Variants in USP3 observed in about 807,000 individuals in gnomAD.
USP3 encodes the protein ubiquitin carboxyl-terminal hydrolase 3.
In USP3, 20 loss-of-function variants were observed where a neutral mutation model predicts 72.3. The observed-to-expected ratio is 0.28, with a 90% CI of 0.19 to 0.40. The LOEUF (loss-of-function observed/expected upper bound fraction) is 0.40, where lower values mean the gene tolerates loss of function less well. Among genes scored for constraint, USP3 ranks in the 10% least tolerant of loss-of-function variants. USP3 has a pLI of 1.00. For missense variants in USP3, 479 were observed against 633.9 expected (o/e 0.76, Z 2.62); for synonymous variants, 222 against 225.3 (o/e 0.99, Z 0.13).
chr15:63,589,339 T>TA (rs2067139451), intron 14 of USP3, among the ~76,000 whole-genome samples: 1 of 152,228 alleles, frequency 6.6e-6, no homozygotes, highest in African/African-American at 2.4e-5. Flanking sequence ...TGGAATAACT[T>TA]ACTCCATATC....
In USP3 at chr15:63,504,764, A is replaced by C; in HGVS notation, c.25A>C (p.Ser9Arg). The stretch of plus-strand genomic sequence containing the variant: ...CATGGAGTGTCCACACCTGAGCTCC[A>C]GCGTCTGCATTGCTCCGGACTCAGC... Reference protein sequence around the residue: MECPHLSSSVCIAPDSAKF... With the variant: MECPHLSSRVCIAPDSAKF... The change falls in exon 1 of 15, where the codon AGC becomes CGC. Residue 9 changes from serine to arginine, a missense_variant. Physicochemically the swap from Ser to Arg is moderately radical, Grantham distance 110. Coordinates refer to ENST00000380324, the MANE Select transcript of USP3 (RefSeq NM_006537.4). The C allele has an allele frequency of 6.2e-7, 1 of 1,611,566 alleles. No homozygotes were observed. The highest frequency in any genetic ancestry group is 8.5e-7 in the Non-Finnish European group (1 of 1,179,016).
chr15:63,506,254 A>G (rs1364963338), intron 1 of USP3, among the ~76,000 whole-genome samples: 1 of 152,218 alleles, frequency 6.6e-6, no homozygotes, highest in Non-Finnish European at 1.5e-5. Context: ...AGAACAACAA[A>G]TAAGGTGTAT....
In USP3 at chr15:63,537,084, A is replaced by G. The variant is rs1410307361; in HGVS notation, c.212A>G (p.His71Arg). 4.3e-6 allele frequency: 7 copies of G among 1,614,170 alleles called. No homozygotes were observed. Among genetic ancestry groups the G allele is most frequent in the East Asian group, 4.5e-5 (2 of 44,874 alleles). ...GATGCACAAGTACCTTTAACCAACC[A>G]TAAGAAATCAGAAAAGCAAGATAAA... is the stretch of plus-strand genomic sequence containing the variant. ...YEDAQVPLTN[H>R]KKSEKQDKVQ... The change falls in exon 3 of 15, where the codon CAT becomes CGT. Residue 71 changes from histidine (H) to arginine (R), a missense_variant. By Grantham distance (29) the His-to-Arg change is conservative. Transcript: ENST00000380324.
chr15:63,511,706 T>C (rs2065785173), intron 1 of USP3, among the ~76,000 whole-genome samples: 1 of 152,176 alleles, frequency 6.6e-6, no homozygotes, highest in South Asian at 2.1e-4. Flanking sequence ...CCCCCTTATT[T>C]TTTCATTTTG....
chr15:63,507,582 A>C (rs1382220179), intron 1 of USP3, among the ~76,000 whole-genome samples: 1 of 152,208 alleles, frequency 6.6e-6, no homozygotes, highest in Non-Finnish European at 1.5e-5. Flanking sequence ...GGGGACTAGA[A>C]CAGACTGGCT....
At chr15:63,545,970 C>CAAAAAAAAA (rs60122671) in intron 3 of USP3, among the ~76,000 whole-genome samples, 4 of 68,848 alleles carry the variant, frequency 5.8e-5, no homozygotes, top group African/African-American at 1.8e-4. Context: ...GACCTTGTCT[C>CAAAAAAAAA]AAAAAAAAAA....
intron 2 of USP3, 30 bp from the exon 3 acceptor site, chr15:63,536,995 T>A (rs1407162873): frequency 6.3e-7 from 1 of 1,597,614 alleles, no homozygotes; most frequent in Non-Finnish European, 8.5e-7. Flanking sequence ...AAGCAATATT[T>A]AAAGTAAATT....
chr15:63,563,570 C>A (rs1481909770), intron 8 of USP3, among the ~76,000 whole-genome samples: 1 of 152,156 alleles, frequency 6.6e-6, no homozygotes, highest in African/African-American at 2.4e-5. Flanking sequence ...CTCTGCTGTA[C>A]ACCTAGCTGT....
intron 5 of USP3, among the ~76,000 whole-genome samples, chr15:63,557,490 T>G (rs892380469): frequency 2.6e-5 from 4 of 152,164 alleles, no homozygotes; most frequent in Non-Finnish European, 4.4e-5. Context: ...CTCGAACTCC[T>G]GAGCTCAGGC....
chr15:63,562,991 G>A lies in USP3; in HGVS notation c.744G>A (p.Lys248=), dbSNP rs61751106. 23,958 of 1,610,040 alleles carry A rather than the reference G, an allele frequency of 0.015. 216 individuals carry two copies. Among genetic ancestry groups the A allele is most frequent in the Non-Finnish European group, 0.017 (19,900 of 1,178,136 alleles). The change falls in exon 8 of 15, where the codon AAG becomes AAA. Residue 248 remains lysine, a synonymous_variant. Transcript: ENST00000380324. ...SPESLFYVVW[K]IMPNFRGYQQ... is the part of the protein sequence containing the mutation. Reference sequence around the variant, plus strand: ...AGTCCTTATTTTATGTTGTTTGGAAGATTATGCCAAACTTTAGGTAAGTAT... The same window carrying A: ...AGTCCTTATTTTATGTTGTTTGGAAAATTATGCCAAACTTTAGGTAAGTAT...
intron 11 of USP3, among the ~76,000 whole-genome samples, chr15:63,584,549 A>G (rs2067023771): frequency 6.6e-6 from 1 of 152,190 alleles, no homozygotes; most frequent in South Asian, 2.1e-4. Flanking sequence ...GATGTTGAGC[A>G]TCTTTTTATG....
Position 63,551,694 on chromosome 15 carries a change from T to G in USP3, c.285-2021T>G, listed in dbSNP as rs972634280. 3 of 152,326 alleles carry G rather than the reference T, an allele frequency of 2.0e-5. No individual in the cohort carries two copies. The East Asian group carries it at 5.8e-4, about 29-fold the overall frequency. The allele number at this position is 152,326 out of a possible 1,614,324, so 9.4% of individuals were successfully genotyped here. ...AGACAATCCTACCAAACTATAACAT[T>G]GTGCTTAATGGTAAAAGATTTTACA... On this transcript the variant is annotated intron_variant, in intron 3 of 14. Coordinates refer to ENST00000380324, the MANE Select transcript of USP3 (RefSeq NM_006537.4).
chr15:63,514,232 T>C (rs2065823630), intron 1 of USP3, among the ~76,000 whole-genome samples: 1 of 152,176 alleles, frequency 6.6e-6, no homozygotes, highest in Non-Finnish European at 1.5e-5. Flanking sequence ...TTAAAAAATA[T>C]ATGTATTTCT....
intron 4 of USP3, among the ~76,000 whole-genome samples, chr15:63,554,334 A>G (rs1017566027): frequency 6.6e-6 from 1 of 152,236 alleles, no homozygotes; most frequent in African/African-American, 2.4e-5. Flanking sequence ...AGGAGCTATG[A>G]ATACTTTGTC....
intron 2 of USP3, among the ~76,000 whole-genome samples, chr15:63,534,559 C>T (rs984857931): frequency 2.6e-5 from 4 of 152,156 alleles, no homozygotes; most frequent in African/African-American, 9.7e-5. Flanking sequence ...ATTTAATTTC[C>T]TGTTAGCTAG....
intron 1 of USP3, among the ~76,000 whole-genome samples, chr15:63,508,512 G>A (rs537889162): frequency 6.6e-6 from 1 of 152,222 alleles, no homozygotes; most frequent in South Asian, 2.1e-4. Context: ...ATAACGTAAA[G>A]GCTGATTTAT....
intron 1 of USP3, among the ~76,000 whole-genome samples, chr15:63,509,653 G>A (rs967154473): frequency 6.6e-6 from 1 of 151,970 alleles, no homozygotes; most frequent in African/African-American, 2.4e-5. Context: ...AACTTTTTTG[G>A]TAATATTTAT....
At chr15:63,515,282 A>G (rs1452159061) in intron 1 of USP3, among the ~76,000 whole-genome samples, 2 of 152,266 alleles carry the variant, frequency 1.3e-5, no homozygotes, top group African/African-American at 4.8e-5. Context: ...AAGGAACCAT[A>G]ACAAATTTGT....
intron 7 of USP3, among the ~76,000 whole-genome samples, chr15:63,561,500 T>C (rs1008222880): frequency 6.6e-6 from 1 of 152,226 alleles, no homozygotes; most frequent in African/African-American, 2.4e-5. Flanking sequence ...CCAGCACTGC[T>C]GGAGATGGGT....
Sources: allele counts gnomAD v4.1 joint callset (sites outside exome capture counted in the v4.1 genomes callset), GRCh38; gene constraint gnomAD v4.1.1; transcripts MANE v1.5; gene names NCBI Gene and HGNC (gene_info 2026-07-23, HGNC 2026-07-21).